The following DPP10 variants were observed in gnomAD, a reference collection of about 807,000 sequenced individuals.
DPP10 encodes inactive dipeptidyl peptidase 10.
A neutral mutation model predicts 120.9 loss-of-function variants in DPP10; 33 were observed. The ratio of observed to expected loss-of-function variants is 0.27; its 90% confidence interval spans 0.21 to 0.37. The LOEUF is 0.37. DPP10 is among the 10% of genes least tolerant of loss of function. DPP10 has a pLI of 1.00. For missense variants in DPP10, 816 were observed against 942.8 expected, an observed-to-expected ratio of 0.87 and a Z score of 1.76; for synonymous variants, 337 against 326.1, an observed-to-expected ratio of 1.03 and a Z score of -0.36.
chr2:114,660,578 A>C (rs1697325505), intron 1 of DPP10, among the ~76,000 whole-genome samples: 1 of 152,190 alleles, frequency 6.6e-6, no homozygotes, highest in African/African-American at 2.4e-5. Flanking sequence ...TTGATTCCTG[A>C]CTTTGAAACT....
intron 1 of DPP10, among the ~76,000 whole-genome samples, chr2:114,499,175 C>A (rs923330281): frequency 2.6e-5 from 4 of 152,178 alleles, no homozygotes; most frequent in Non-Finnish European, 1.5e-5. Context: ...CAACTTCATT[C>A]TCATGCTTTT....
chr2:114,455,921 C>T (rs1001945417), intron 1 of DPP10, among the ~76,000 whole-genome samples: 3 of 152,124 alleles, frequency 2.0e-5, no homozygotes, highest in African/African-American at 7.2e-5. Flanking sequence ...GGGCCTACTA[C>T]TCAGTCGTGC....
intron 3 of DPP10, among the ~76,000 whole-genome samples, chr2:115,390,882 C>T (rs1173699428): frequency 6.6e-6 from 1 of 152,142 alleles, no homozygotes; most frequent in African/African-American, 2.4e-5. Context: ...GAAGTCTCAG[C>T]ATTATGGACT....
At position 114,962,629 on chromosome 2, in the gene DPP10, TACGATG is replaced by T. The variant is rs1466780603; in HGVS notation, c.61-346609_61-346604del. On this transcript the variant is annotated intron_variant, in intron 1 of 25. Coordinates refer to ENST00000410059, the MANE Select transcript of DPP10 (RefSeq NM_020868.6). ...GAATTATAATGACAATACTTTGGGT[TACGATG>T]TCTGCCCTTTGAGAGAAAGAGAATT... is the stretch of plus-strand genomic sequence containing the variant. Among the ~76,000 whole-genome samples the T allele has an allele frequency of 1.8e-4, 28 of 152,358 alleles. No individual in the cohort carries two copies. The East Asian group carries it at 5.4e-3, about 29-fold the overall frequency.
At chr2:115,473,165 A>G (rs1027022269) in intron 3 of DPP10, among the ~76,000 whole-genome samples, 2 of 152,216 alleles carry the variant, frequency 1.3e-5, no homozygotes, top group Admixed American at 1.3e-4. Context: ...CAGAATTAGC[A>G]TTGTAATATT....
In DPP10 at chr2:115,458,011, A is replaced by G. The variant is rs2073714002; in HGVS notation, c.272-41499A>G. ...AACTCCTGTGGCTACTATAAGATGG[A>G]TAAGTCCTGAAAACATTATGCTGAT... is the stretch of plus-strand genomic sequence containing the variant. On this transcript the variant is annotated intron_variant, in intron 3 of 25. Coordinates refer to ENST00000410059, the MANE Select transcript of DPP10 (RefSeq NM_020868.6). Among the ~76,000 whole-genome samples the G allele has an allele frequency of 2.0e-5, 3 of 152,086 alleles. No homozygotes were observed. The South Asian group carries it at 6.2e-4, about 31-fold the overall frequency.
intron 2 of DPP10, among the ~76,000 whole-genome samples, chr2:115,331,961 C>A (rs527692240): frequency 6.6e-6 from 1 of 152,240 alleles, no homozygotes; most frequent in Admixed American, 6.5e-5. Context: ...GGAGGATTCT[C>A]TCTTTTTCTG....
intron 1 of DPP10, among the ~76,000 whole-genome samples, chr2:114,753,034 A>G (rs1420630808): frequency 6.6e-6 from 1 of 152,150 alleles, no homozygotes; most frequent in East Asian, 1.9e-4. Flanking sequence ...GTGGGGACAC[A>G]CACTTCCTGC....
At chr2:114,771,810 A>G (rs1170991474) in intron 1 of DPP10, among the ~76,000 whole-genome samples, 1 of 152,128 alleles carries the variant, frequency 6.6e-6, no homozygotes, top group Non-Finnish European at 1.5e-5. Context: ...AAAGTTTCCA[A>G]CTCTTAAAAA....
At chr2:115,546,313 A>G (rs181512409) in intron 5 of DPP10, among the ~76,000 whole-genome samples, 113 of 152,278 alleles carry the variant, frequency 7.4e-4, no homozygotes, top group Non-Finnish European at 1.5e-3. Context: ...TTACGTATGT[A>G]TACGTAAGTG....
At chr2:115,032,005 T>G (rs1703874662) in intron 1 of DPP10, among the ~76,000 whole-genome samples, 1 of 152,122 alleles carries the variant, frequency 6.6e-6, no homozygotes, top group South Asian at 2.1e-4. Context: ...TTACGTATAA[T>G]TTTTTTATAA....
intron 1 of DPP10, among the ~76,000 whole-genome samples, chr2:114,739,275 C>G (rs1350788860): frequency 2.6e-5 from 4 of 152,134 alleles, no homozygotes; most frequent in African/African-American, 9.7e-5. Flanking sequence ...CATAAGCCCT[C>G]TTAGGAACAA....
chr2:115,839,561 C>T (rs978360514), intron 24 of DPP10, among the ~76,000 whole-genome samples: 3 of 150,964 alleles, frequency 2.0e-5, no homozygotes, highest in Non-Finnish European at 4.4e-5. Context: ...ATAATCCCAG[C>T]TACTCAGGAG....
At chr2:115,377,068 G>T (rs999139790) in intron 3 of DPP10, among the ~76,000 whole-genome samples, 1 of 151,688 alleles carries the variant, frequency 6.6e-6, no homozygotes, top group Non-Finnish European at 1.5e-5. Context: ...TATATACCCA[G>T]TAATGGGATT....
intron 5 of DPP10, among the ~76,000 whole-genome samples, chr2:115,644,728 A>G (rs998186951): frequency 1.3e-5 from 2 of 152,090 alleles, no homozygotes; most frequent in Non-Finnish European, 2.9e-5. Context: ...GGCTGCAGCA[A>G]GCTATGATTG....
At chr2:114,644,193 C>T (rs1325269876) in intron 1 of DPP10, among the ~76,000 whole-genome samples, 8 of 150,380 alleles carry the variant, frequency 5.3e-5, no homozygotes, top group Non-Finnish European at 7.4e-5. Flanking sequence ...CTGCCTGCCT[C>T]GGCCTCCCAA....
rs180896516 is a variant in DPP10, at chr2:114,749,401, G to A, written c.60+306563G>A. 1.1e-3 allele frequency among the ~76,000 whole-genome samples: 171 copies of A among 152,062 alleles called. 2 individuals are homozygous for A. Among genetic ancestry groups the A allele is most frequent in the Admixed American group, 5.2e-3 (80 of 15,280 alleles). ...CTCAACTTCCAGAACAGAATGGGTT[G>A]CTTTACTTCTATGTTTTCACCAGCA... On this transcript the variant is annotated intron_variant, in intron 1 of 25. Transcript: ENST00000410059.
At chr2:114,778,378 C>A (rs1681953784) in intron 1 of DPP10, among the ~76,000 whole-genome samples, 1 of 152,074 alleles carries the variant, frequency 6.6e-6, no homozygotes, top group African/African-American at 2.4e-5. Flanking sequence ...GTATCATATT[C>A]AAAAATATCT....
intron 5 of DPP10, among the ~76,000 whole-genome samples, chr2:115,588,565 G>A (rs1350803328): frequency 6.6e-6 from 1 of 152,182 alleles, no homozygotes; most frequent in Non-Finnish European, 1.5e-5. Flanking sequence ...GCACATAGCT[G>A]CATACCTGGG....
Sources: allele counts gnomAD v4.1 joint callset (sites outside exome capture counted in the v4.1 genomes callset), GRCh38; gene constraint gnomAD v4.1.1; transcripts MANE v1.5; gene names NCBI Gene and HGNC (gene_info 2026-07-23, HGNC 2026-07-21).